Variants in CEP43 observed in about 807,000 individuals in gnomAD.
CEP43 encodes centrosomal protein 43.
Under a neutral mutation model 52.6 loss-of-function variants are expected in CEP43, and 36 were observed. That is an observed-to-expected ratio of 0.68 (90% CI 0.52 to 0.90). The LOEUF is 0.90. Ranked by LOEUF, CEP43 falls within the 40% of genes least tolerant of loss-of-function variation. CEP43 has a pLI of 0.00. For synonymous variants in CEP43, 192 were observed against 172.4 expected (o/e 1.11, Z -0.89); for missense variants, 506 against 472.8 (o/e 1.07, Z -0.65).
intron 8 of CEP43, among the ~76,000 whole-genome samples, 187 bp from the exon 9 acceptor site, chr6:167,024,595 G>A (rs185166460): frequency 6.6e-5 from 10 of 152,282 alleles, no homozygotes; most frequent in Middle Eastern, 3.4e-3. Context: ...TGTGCCGATT[G>A]TGGTTGATCT....
intron 8 of CEP43, among the ~76,000 whole-genome samples, chr6:167,023,271 G>A (rs906566755): frequency 4.6e-5 from 7 of 152,184 alleles, no homozygotes; most frequent in African/African-American, 9.7e-5. Flanking sequence ...TTGATCTGGC[G>A]TACATTACAG....
chr6:167,031,448 T>C (rs931420938), intron 10 of CEP43, among the ~76,000 whole-genome samples: 1 of 152,244 alleles, frequency 6.6e-6, no homozygotes, highest in African/African-American at 2.4e-5. Flanking sequence ...TCTTAGTCAT[T>C]GCTATACCTC....
At chr6:167,008,249 T>C (rs1034593119) in intron 5 of CEP43, among the ~76,000 whole-genome samples, 3 of 152,126 alleles carry the variant, frequency 2.0e-5, no homozygotes, top group Admixed American at 2.0e-4. Flanking sequence ...CTTGGAATTA[T>C]ACTCTTTCCC....
At chr6:167,025,110 CTA>C (rs1780325941) in intron 9 of CEP43, 1 of 358,012 alleles carries the variant, frequency 2.8e-6, no homozygotes, top group African/African-American at 2.1e-5. Context: ...CTTCCTATAC[CTA>C]TATACCATCG....
chr6:167,047,769 G>A lies in CEP43; in HGVS notation c.*7791G>A, dbSNP rs937655487. ...CTGGCAGCTTTTTTCTCATATCCCT[G>A]TTAGCGGTATGTGGTAAGAACATGA... On this transcript the variant is annotated 3_prime_UTR_variant, in exon 13 of 13. Coordinates refer to ENST00000366847, the MANE Select transcript of CEP43 (RefSeq NM_007045.4). 2.0e-5 allele frequency: 3 copies of A among 151,956 alleles called. No individual in the cohort carries two copies. Among genetic ancestry groups the A allele is most frequent in the Admixed American group, 6.6e-5 (1 of 15,256 alleles). 9.4% of individuals were successfully genotyped at this position (151,956 alleles called of 1,614,324 possible). A position where few individuals can be genotyped will look rare whatever the true frequency, so the allele number is the denominator to read the frequency against.
rs559960032 is a variant in CEP43, at chr6:167,008,062, C to T, written c.439-2751C>T. ...ACTGCCGACTCAGGAGTCCCAGATT[C>T]TTCAGCCCTTATGAAATGTTCTGTG... On this transcript the variant is annotated intron_variant, in intron 5 of 12. Coordinates refer to ENST00000366847, the MANE Select transcript of CEP43 (RefSeq NM_007045.4). 4.6e-5 allele frequency among the ~76,000 whole-genome samples: 7 copies of T among 151,874 alleles called. No individual in the cohort carries two copies. In the South Asian group the frequency reaches 1.0e-3, roughly 23 times the overall value.
At chr6:167,009,705 G>A (rs933477096) in intron 5 of CEP43, among the ~76,000 whole-genome samples, 2 of 150,744 alleles carry the variant, frequency 1.3e-5, no homozygotes, top group Non-Finnish European at 3.0e-5. Flanking sequence ...GTGCGGTGGT[G>A]CATTCCTATA....
Position 167,040,107 on chromosome 6 carries a change from A to G in CEP43, c.*129A>G. The G allele has an allele frequency of 1.3e-6, 2 of 1,586,578 alleles. No individual in the cohort carries two copies. Among genetic ancestry groups the G allele is most frequent in the Non-Finnish European group, 1.7e-6 (2 of 1,165,400 alleles). On this transcript the variant is annotated 3_prime_UTR_variant, in exon 13 of 13. Coordinates refer to ENST00000366847, the MANE Select transcript of CEP43 (RefSeq NM_007045.4). Reference sequence around the variant, plus strand: ...GTGCCTTGCATTTCAAAAACACTGCAGATATTTTTTAAAAGTAATTTTCAT... The same window carrying G: ...GTGCCTTGCATTTCAAAAACACTGCGGATATTTTTTAAAAGTAATTTTCAT...
rs768927871 is a variant in CEP43 at position 167,024,901 on chromosome 6, G to T, written c.919+7G>T. The T allele has an allele frequency of 3.4e-6, 5 of 1,462,552 alleles. No homozygotes were observed. In the South Asian group the frequency reaches 5.8e-5, roughly 17 times the overall value. 90.6% of individuals were successfully genotyped at this position (1,462,552 alleles called of 1,614,324 possible). A position where few individuals can be genotyped will look rare whatever the true frequency, so the allele number is the denominator to read the frequency against. On this transcript the variant is annotated splice_region_variant and intron_variant, in intron 9 of 12. Coordinates refer to ENST00000366847, the MANE Select transcript of CEP43 (RefSeq NM_007045.4). ...TCTTTAAAAGACTCTGAGAGTAAGT[G>T]CCCAAAGATGTGGACTTCAATACTC...
intron 5 of CEP43, among the ~76,000 whole-genome samples, chr6:167,006,821 C>T (rs556212024): frequency 2.3e-4 from 35 of 152,284 alleles, no homozygotes; most frequent in African/African-American, 8.2e-4. Context: ...CAGCTCAGTC[C>T]TTTATCCTAG....
chr6:167,004,416 G>T lies in CEP43; in HGVS notation c.438+15G>T, dbSNP rs1779805854. 9 of 1,565,038 alleles carry T rather than the reference G, an allele frequency of 5.8e-6. No homozygotes were observed. The highest frequency in any genetic ancestry group is 6.0e-6 in the Non-Finnish European group (7 of 1,158,946). On this transcript the variant is annotated intron_variant, in intron 5 of 12. Transcript: ENST00000366847. ...CCACTGGGGAAGTAAGTAGAATTCT[G>T]TGTTATCTTTTTCTATTTTAATTAT... is the stretch of plus-strand genomic sequence containing the variant.
In CEP43 at chr6:167,045,359, G is replaced by GCA. The variant is rs1554277467; in HGVS notation, c.*5382_*5383insAC. On this transcript the variant is annotated 3_prime_UTR_variant, in exon 13 of 13. Transcript: ENST00000366847. The stretch of plus-strand genomic sequence containing the variant: ...CCTATGGTGATCCGCACCCCTCCCC[G>GCA]CCCCCCCCGCGGCCCAGCCTCCCAA... 1 of 143,112 alleles carries GCA rather than the reference G, an allele frequency of 7.0e-6. No individual in the cohort carries two copies. The highest frequency in any genetic ancestry group is 2.2e-4 in the East Asian group (1 of 4,516). The allele number at this position is 143,112 out of a possible 1,614,324, so 8.9% of individuals were successfully genotyped here. A position where few individuals can be genotyped will look rare whatever the true frequency, so the allele number is the denominator to read the frequency against.
In CEP43 at chr6:167,047,872, G is replaced by C. The variant is rs1365746956; in HGVS notation, c.*7894G>C. 2 of 151,940 alleles carry C rather than the reference G, an allele frequency of 1.3e-5. No homozygotes were observed. The highest frequency in any genetic ancestry group is 2.4e-5 in the African/African-American group (1 of 41,344). The allele number at this position is 151,940 out of a possible 1,614,324, so 9.4% of individuals were successfully genotyped here. Reference sequence around the variant, plus strand: ...AGGAACCTCACGGTGGATGCCGTAAGTGTTTACACTGAAAAGGATTTTCAC... The same window carrying C: ...AGGAACCTCACGGTGGATGCCGTAACTGTTTACACTGAAAAGGATTTTCAC... On this transcript the variant is annotated 3_prime_UTR_variant, in exon 13 of 13. Coordinates refer to ENST00000366847, the MANE Select transcript of CEP43 (RefSeq NM_007045.4).
chr6:167,006,892 A>T (rs577622598), intron 5 of CEP43, among the ~76,000 whole-genome samples: 11 of 152,344 alleles, frequency 7.2e-5, no homozygotes, highest in Non-Finnish European at 1.2e-4. Flanking sequence ...CCAATAGTAT[A>T]TTCGAATCCT....
At chr6:167,003,146 G>A (rs768111702) in intron 2 of CEP43, 47 bp from the exon 3 acceptor site, 1 of 841,588 alleles carries the variant, frequency 1.2e-6, no homozygotes, top group Non-Finnish European at 1.9e-6. Context: ...TTTTGTAGTT[G>A]TTTTTAGGGT....
At chr6:167,029,358 T>G (rs1780420380) in intron 10 of CEP43, among the ~76,000 whole-genome samples, 1 of 152,288 alleles carries the variant, frequency 6.6e-6, no homozygotes, top group Non-Finnish European at 1.5e-5. Flanking sequence ...TATCCCTTAA[T>G]GCAAATGCTT....
chr6:167,040,471 A>G lies in CEP43; in HGVS notation c.*493A>G. ...CTTGGTAAATTTGTAATGCTGAAGT[A>G]TATTAGTATAAGTTAAATTTGATGT... On this transcript the variant is annotated 3_prime_UTR_variant, in exon 13 of 13. Coordinates refer to ENST00000366847, the MANE Select transcript of CEP43 (RefSeq NM_007045.4). 8.5e-7 allele frequency: 1 copy of G among 1,175,262 alleles called. No individual in the cohort carries two copies. Among genetic ancestry groups the G allele is most frequent in the Non-Finnish European group, 1.1e-6 (1 of 946,982 alleles). The allele number at this position is 1,175,262 out of a possible 1,614,324, so 72.8% of individuals were successfully genotyped here.
In CEP43 at chr6:167,048,431, G is replaced by A. The variant is rs1235819917; in HGVS notation, c.*8453G>A. ...TGTGGTCCCAGCTACTCGGGAGGCTGAGGCAGGAGGATTGCAGGAGGTTTG... is the reference window on the plus strand; with the variant it reads ...TGTGGTCCCAGCTACTCGGGAGGCTAAGGCAGGAGGATTGCAGGAGGTTTG... On this transcript the variant is annotated 3_prime_UTR_variant, in exon 13 of 13. Coordinates refer to ENST00000366847, the MANE Select transcript of CEP43 (RefSeq NM_007045.4). The A allele has an allele frequency of 6.6e-6, 1 of 152,250 alleles. No homozygotes were observed. The highest frequency in any genetic ancestry group is 2.1e-4 in the South Asian group (1 of 4,832). 9.4% of individuals were successfully genotyped at this position (152,250 alleles called of 1,614,324 possible).
intron 12 of CEP43, among the ~76,000 whole-genome samples, chr6:167,037,189 CTG>C (rs1447918431): frequency 6.6e-6 from 1 of 152,180 alleles, no homozygotes; most frequent in Non-Finnish European, 1.5e-5. Flanking sequence ...TTAAATGAAA[CTG>C]TTCTTCTTGG....
Sources: gnomAD v4.1 joint callset for allele counts (sites outside exome capture counted in the v4.1 genomes callset) on GRCh38, gnomAD v4.1.1 for gene constraint, MANE v1.5 for transcripts, NCBI Gene and HGNC (gene_info 2026-07-23, HGNC 2026-07-21) for gene names.